Variants in PNOC observed in about 807,000 individuals in gnomAD.
PNOC encodes prepronociceptin, also known as nociceptin.
PNOC carries 10 observed loss-of-function variants against 15.6 expected under a neutral mutation model. The observed-to-expected ratio is 0.64, with a 90% CI of 0.40 to 1.09. PNOC has a LOEUF of 1.09. Ranked by LOEUF, PNOC falls within the 50% of genes least tolerant of loss-of-function variation. The pLI, the probability that PNOC is intolerant of heterozygous loss-of-function variation, is 0.01. For synonymous variants in PNOC, 98 were observed against 88.5 expected (o/e 1.11, Z -0.60); for missense variants, 220 against 223.9 (o/e 0.98, Z 0.11).
At chr8:28,339,577 T>G in intron 3 of PNOC, 86 bp downstream of exon 3, 1 of 1,084,960 alleles carries the variant, frequency 9.2e-7, no homozygotes, top group African/African-American at 1.6e-5. Context: ...AGAAGCACAT[T>G]CATCTCCCCG....
intron 1 of PNOC, among the ~76,000 whole-genome samples, chr8:28,324,051 T>A (rs1000678888): frequency 6.6e-6 from 1 of 151,918 alleles, no homozygotes; most frequent in Non-Finnish European, 1.5e-5. Flanking sequence ...CAGAGAAGGG[T>A]CGGGAGGTTG....
rs777286757 is a variant in PNOC at position 28,329,221 on chromosome 8, C to T, written c.64C>T (p.Gln22Ter). ...CTTCTCCAGTGTGTTCAGCAGTTGT[C>T]AGAGGGACTGTCTCACATGCCAGGA... is the stretch of plus-strand genomic sequence containing the variant. ...SLFSSVFSSCQRDCLTCQEKL... is the reference protein window; with the variant it reads ...SLFSSVFSSC The change falls in exon 2 of 4, where the codon CAG becomes TAG. Residue 22 changes from glutamine to a stop codon, truncating the protein, a stop_gained. Transcript: ENST00000301908. LOFTEE classifies it high-confidence loss of function. The T allele has an allele frequency of 6.2e-7, 1 of 1,614,028 alleles. No homozygotes were observed. The highest frequency in any genetic ancestry group is 8.5e-7 in the Non-Finnish European group (1 of 1,180,014).
intron 1 of PNOC, among the ~76,000 whole-genome samples, chr8:28,328,136 C>T (rs964170441): frequency 5.1e-5 from 7 of 137,962 alleles, no homozygotes; most frequent in East Asian, 2.3e-4. Context: ...GGCACAATCT[C>T]GGCTCACTGC....
chr8:28,337,370 G>A (rs1801428241), intron 2 of PNOC, among the ~76,000 whole-genome samples: 1 of 152,136 alleles, frequency 6.6e-6, no homozygotes, highest in East Asian at 1.9e-4. Context: ...TGACATGATA[G>A]CTCACCGCAA....
Position 28,333,597 on chromosome 8 carries a change from T to G in PNOC, c.126+4314T>G, listed in dbSNP as rs1801364041. 1.3e-5 allele frequency among the ~76,000 whole-genome samples: 2 copies of G among 152,234 alleles called. 1 individual carries two copies. The highest frequency in any genetic ancestry group is 2.9e-5 in the Non-Finnish European group (2 of 68,046). On this transcript the variant is annotated intron_variant, in intron 2 of 3. Coordinates refer to ENST00000301908, the MANE Select transcript of PNOC (RefSeq NM_006228.5). Reference sequence around the variant, plus strand: ...GAGTTGAGATGATTTTGTTAGCATCTAATTTATCTAACAGTGCATCAAGTC... The same window carrying G: ...GAGTTGAGATGATTTTGTTAGCATCGAATTTATCTAACAGTGCATCAAGTC...
At chr8:28,328,060 T>A (rs1801254535) in intron 1 of PNOC, among the ~76,000 whole-genome samples, 1 of 15,668 alleles carries the variant, frequency 6.4e-5, no homozygotes, top group Non-Finnish European at 1.3e-4. Flanking sequence ...TCTCTCTCTC[T>A]TTTTTTTTTT....
chr8:28,319,254 G>A (rs1038401353), intron 1 of PNOC, among the ~76,000 whole-genome samples: 3 of 152,072 alleles, frequency 2.0e-5, no homozygotes, highest in Non-Finnish European at 2.9e-5. Flanking sequence ...TCCCCGTTAC[G>A]GTCAGGGGTG....
chr8:28,320,342 G>A (rs1257678039), intron 1 of PNOC, among the ~76,000 whole-genome samples: 2 of 151,878 alleles, frequency 1.3e-5, no homozygotes, highest in Admixed American at 1.3e-4. Context: ...AGGAACGTGT[G>A]TGGGGTTCCT....
At chr8:28,322,367 G>A (rs573718849) in intron 1 of PNOC, among the ~76,000 whole-genome samples, 1 of 152,234 alleles carries the variant, frequency 6.6e-6, no homozygotes, top group African/African-American at 2.4e-5. Flanking sequence ...ACTCCAGCCT[G>A]GGCAACAGAG....
chr8:28,335,261 C>A (rs185147287), intron 2 of PNOC, among the ~76,000 whole-genome samples: 1 of 152,326 alleles, frequency 6.6e-6, no homozygotes, highest in East Asian at 1.9e-4. Flanking sequence ...TGCAAGCACA[C>A]AGAGGTAGCT....
In PNOC at chr8:28,323,020, A is replaced by G. The variant is rs536316395; in HGVS notation, c.-24+5704A>G. On this transcript the variant is annotated intron_variant, in intron 1 of 3. Transcript: ENST00000301908. ...AGGTGTATCTGCCTCTAGCAAGAGC[A>G]GTCCCCTCTTCTCTGCTGGCAGCAT... 1.4e-4 allele frequency among the ~76,000 whole-genome samples: 22 copies of G among 152,384 alleles called. 1 individual carries two copies. In the South Asian group the frequency reaches 4.3e-3, roughly 30 times the overall value.
intron 2 of PNOC, among the ~76,000 whole-genome samples, chr8:28,329,890 A>G (rs1020626369): frequency 8.5e-5 from 13 of 152,190 alleles, no homozygotes; most frequent in Admixed American, 2.6e-4. Context: ...TAATCCAGAG[A>G]TGATTTAAAG....
chr8:28,326,309 A>C (rs2614092), intron 1 of PNOC, among the ~76,000 whole-genome samples: 49,215 of 151,604 alleles, frequency 0.32, 9,788 homozygotes, highest in Non-Finnish European at 0.45. Flanking sequence ...CCGTGATTGC[A>C]CCACTGCACA....
At chr8:28,327,523 C>T (rs925894688) in intron 1 of PNOC, among the ~76,000 whole-genome samples, 9 of 151,324 alleles carry the variant, frequency 5.9e-5, no homozygotes, top group African/African-American at 2.2e-4. Context: ...GCTACTGTAA[C>T]AAAAGAGCGT....
chr8:28,336,243 A>T lies in PNOC; in HGVS notation c.127-2797A>T, dbSNP rs368663107. ...GAAGATTCCTGCAAGGGATTCACACATGAGTAAGATGTGGTCCCTAACTTG... is the reference window on the plus strand; with the variant it reads ...GAAGATTCCTGCAAGGGATTCACACTTGAGTAAGATGTGGTCCCTAACTTG... On this transcript the variant is annotated intron_variant, in intron 2 of 3. Coordinates refer to ENST00000301908, the MANE Select transcript of PNOC (RefSeq NM_006228.5). Among the ~76,000 whole-genome samples the T allele has an allele frequency of 9.2e-5, 14 of 152,350 alleles. No homozygotes were observed. The East Asian group carries it at 1.7e-3, about 19-fold the overall frequency.
rs150886254 is a variant in PNOC at position 28,328,690 on chromosome 8, G to A, written c.-23-445G>A. Among the ~76,000 whole-genome samples, 493 of 152,266 alleles carry A rather than the reference G, an allele frequency of 3.2e-3. 2 individuals are homozygous for A. Among genetic ancestry groups the A allele is most frequent in the African/African-American group, 0.011 (468 of 41,552 alleles). On this transcript the variant is annotated intron_variant, in intron 1 of 3. Coordinates refer to ENST00000301908, the MANE Select transcript of PNOC (RefSeq NM_006228.5). ...TTCACAATAGGCCTGTGATAAGGCA[G>A]GTGCCACTGTTCCCCTTTTATGGGC...
intron 1 of PNOC, among the ~76,000 whole-genome samples, chr8:28,323,331 A>G (rs935263199): frequency 1.3e-5 from 2 of 152,230 alleles, no homozygotes; most frequent in African/African-American, 2.4e-5. Context: ...ACATAGAAGT[A>G]TTAGCTGAGC....
chr8:28,317,797 C>T (rs1801083448), intron 1 of PNOC, among the ~76,000 whole-genome samples: 1 of 152,134 alleles, frequency 6.6e-6, no homozygotes, highest in African/African-American at 2.4e-5. Flanking sequence ...CCGCCTATCA[C>T]TGAACTTGAT....
chr8:28,325,689 A>T (rs1293574223), intron 1 of PNOC, among the ~76,000 whole-genome samples: 1 of 151,146 alleles, frequency 6.6e-6, no homozygotes, highest in Non-Finnish European at 1.5e-5. Flanking sequence ...AAAAAAAAGA[A>T]AGACATTAAG....
Sources: gnomAD v4.1 joint callset for allele counts (sites outside exome capture counted in the v4.1 genomes callset) on GRCh38, gnomAD v4.1.1 for gene constraint, MANE v1.5 for transcripts, NCBI Gene and HGNC (gene_info 2026-07-23, HGNC 2026-07-21) for gene names.